Variants in MUC5B observed in about 807,000 individuals in gnomAD.
MUC5B encodes the protein mucin-5B.
A neutral mutation model predicts 376.9 loss-of-function variants in MUC5B; 116 were observed. The ratio of observed to expected loss-of-function variants is 0.31; its 90% CI spans 0.26 to 0.36. The LOEUF is 0.36. Among genes scored for constraint, MUC5B ranks in the 10% least tolerant of loss-of-function variants. MUC5B has a pLI of 1.00. For missense variants in MUC5B, 7,165 were observed against 7,769.9 expected, an observed-to-expected ratio of 0.92 and a Z score of 2.93; for synonymous variants, 3,517 against 3,390.9, an observed-to-expected ratio of 1.04 and a Z score of -1.29.
chr11:1,223,238 CG>C, intron 1 of MUC5B, 45 bp downstream of exon 1: 1 of 705,156 alleles, frequency 1.4e-6, no homozygotes. Context: ...GTCTTCACGG[CG>C]GGGGTCTCTG....
At position 1,233,795 on chromosome 11, in the gene MUC5B, C is replaced by T; in HGVS notation, c.2324C>T (p.Ser775Leu). 1 of 1,604,584 alleles carries T rather than the reference C, an allele frequency of 6.2e-7. No homozygotes were observed. ...EVVHDEGAVC[S>L]CTGGKLSCLG... is the part of the protein sequence containing the mutation. ...GCTGTGCCGTCTGTCTCTTGTAGTT[C>T]ATGTACGGGTGGGAAGCTAAGCTGC... The change falls in exon 19 of 49, where the codon TCA becomes TTA. Residue 775 changes from serine to leucine, a missense_variant and splice_region_variant. Coordinates refer to ENST00000529681, the MANE Select transcript of MUC5B (RefSeq NM_002458.3).
At chr11:1,259,635 G>A in intron 44 of MUC5B, 121 bp from the exon 45 acceptor site, 1 of 981,708 alleles carries the variant, frequency 1.0e-6, no homozygotes, top group Non-Finnish European at 1.6e-6. Context: ...TCGGGTATAG[G>A]CCCAGGCAGG....
At chr11:1,223,934 G>A (rs1264840416) in intron 1 of MUC5B, among the ~76,000 whole-genome samples, 1 of 152,198 alleles carries the variant, frequency 6.6e-6, no homozygotes, top group Non-Finnish European at 1.5e-5. Context: ...CCCCTCCCAA[G>A]CTTGGGGTCT....
rs927898416 is a variant in MUC5B, at chr11:1,236,418, T to C, written c.2913T>C (p.Phe971=). The C allele has an allele frequency of 1.1e-5, 17 of 1,612,330 alleles. No individual in the cohort carries two copies. Among genetic ancestry groups the C allele is most frequent in the Non-Finnish European group, 1.2e-5 (14 of 1,179,644 alleles). ...AGCTGATCCTCCAAGAGGGGACCTT[T>C]AAGGCGGTGGCGAGAGGGCCGGGTG... ...SYELILQEGT[F]KAVARGPGGD... is the part of the protein sequence containing the mutation. The change falls in exon 24 of 49, where the codon TTT becomes TTC. Residue 971 remains phenylalanine, a synonymous_variant. Coordinates refer to ENST00000529681, the MANE Select transcript of MUC5B (RefSeq NM_002458.3).
At chr11:1,226,297 C>G (rs1392827888) in intron 3 of MUC5B, 21 bp downstream of exon 3, 1 of 1,550,050 alleles carries the variant, frequency 6.5e-7, no homozygotes, top group Middle Eastern at 1.7e-4. Context: ...GCTGCCCCTG[C>G]CAGCCGGGAA....
At chr11:1,233,353 C>A (rs979483907) in intron 18 of MUC5B, 85 bp downstream of exon 18, 5 of 1,404,738 alleles carry the variant, frequency 3.6e-6, no homozygotes, top group East Asian at 2.5e-5. Flanking sequence ...TGCCTCCCCC[C>A]GAGGGTTCTG....
At position 1,260,717 on chromosome 11, in the gene MUC5B, C is replaced by A; in HGVS notation, c.17058C>A (p.Pro5686=). The A allele has an allele frequency of 6.2e-7, 1 of 1,610,010 alleles. No individual in the cohort carries two copies. Among genetic ancestry groups the A allele is most frequent in the Non-Finnish European group, 8.5e-7 (1 of 1,178,546 alleles). ...VNITFCEGSC[P]GASKYSAEAQ... is the part of the protein sequence containing the mutation. ...TCACCTTCTGCGAGGGCTCCTGCCC[C>A]GGAGCGTCCAAGTGAGTGGGCTCCT... Residue 5686 remains proline (P), a synonymous_variant, in exon 48 of 49, where the codon CCC becomes CCA. Coordinates refer to ENST00000529681, the MANE Select transcript of MUC5B (RefSeq NM_002458.3).
Position 1,240,327 on chromosome 11 carries a change from A to T in MUC5B, c.3922A>T (p.Thr1308Ser), listed in dbSNP as rs1451435709. 1 of 1,611,436 alleles carries T rather than the reference A, an allele frequency of 6.2e-7. No individual in the cohort carries two copies. The highest frequency in any genetic ancestry group is 1.1e-5 in the South Asian group (1 of 90,898). ...TGTGGCATGTCCTGGAACTCCAGCC[A>T]CAACGCCATTCACCTTCACCACCGC... Reference protein sequence around the residue: ...KAVACPGTPATTPFTFTTAWV... With the variant: ...KAVACPGTPASTPFTFTTAWV... Residue 1308 changes from threonine to serine, a missense_variant, in exon 30 of 49, where the codon ACA becomes TCA. Thr to Ser is a moderately conservative substitution (Grantham distance 58). Transcript: ENST00000529681.
In MUC5B at chr11:1,244,799, C is replaced by A. The variant is rs1283733776; in HGVS notation, c.7919C>A (p.Pro2640His). The A allele has an allele frequency of 6.2e-7, 1 of 1,613,536 alleles. No homozygotes were observed. The highest frequency in any genetic ancestry group is 1.1e-5 in the South Asian group (1 of 91,046). Residue 2640 changes from proline to histidine, a missense_variant, in exon 31 of 49, where the codon CCC (proline) becomes CAC (histidine). Transcript: ENST00000529681. ...GTGTGGATCAGCACAACCACCACAC[C>A]CACAACCAGAGGTTCCACGGTGACC... ...LPVWISTTTT[P>H]TTRGSTVTPS...
At chr11:1,237,241 G>C (rs1046493274) in intron 25 of MUC5B, 77 bp downstream of exon 25, 1 of 1,307,172 alleles carries the variant, frequency 7.7e-7, no homozygotes, top group African/African-American at 1.5e-5. Flanking sequence ...TGGGTCTTCT[G>C]GGCAGACAGC....
intron 11 of MUC5B, 82 bp from the exon 12 acceptor site, chr11:1,230,408 C>A (rs1434274873): frequency 7.5e-7 from 1 of 1,334,658 alleles, no homozygotes; most frequent in Non-Finnish European, 1.0e-6. Flanking sequence ...ACATCCCCCA[C>A]ATGGGCATCC....
In MUC5B at chr11:1,242,649, G is replaced by A. The variant is rs530408361; in HGVS notation, c.5769G>A (p.Thr1923=). 3.2e-5 allele frequency: 51 copies of A among 1,613,502 alleles called. No homozygotes were observed. The highest frequency in any genetic ancestry group is 4.0e-5 in the African/African-American group (3 of 74,870). Residue 1923 remains threonine, a synonymous_variant, in exon 31 of 49, where the codon ACG becomes ACA. Transcript: ENST00000529681. ...TATTTASTGS[T]ATPTSTLRTA... ...CTACGACTGCGTCCACTGGATCCAC[G>A]GCCACCCCGACCTCCACCCTGAGAA...
chr11:1,259,521 G>T, intron 44 of MUC5B: 1 of 588,898 alleles, frequency 1.7e-6, no homozygotes, highest in Non-Finnish European at 3.0e-6. Context: ...GGCTGCTGGG[G>T]ACAGGGGCTG....
chr11:1,260,123 T>C (rs1463864527), intron 46 of MUC5B, 38 bp downstream of exon 46: 2 of 1,605,952 alleles, frequency 1.2e-6, no homozygotes, highest in Admixed American at 1.7e-5. Context: ...TGGGAGTCCT[T>C]GTCCATCAGG....
chr11:1,223,429 C>A (rs1861803745), intron 1 of MUC5B: 3 of 653,208 alleles, frequency 4.6e-6, no homozygotes, highest in Admixed American at 2.2e-5. Flanking sequence ...AAGGTGGGCC[C>A]CTGACCGCAG....
At chr11:1,236,606 A>G in intron 24 of MUC5B, 44 bp downstream of exon 24, 3 of 1,570,408 alleles carry the variant, frequency 1.9e-6, no homozygotes, top group Non-Finnish European at 2.6e-6. Flanking sequence ...GGACCCTCTC[A>G]CAGTGACAGA....
At chr11:1,261,318 G>C in intron 48 of MUC5B, 71 bp from the exon 49 acceptor site, 2 of 1,382,464 alleles carry the variant, frequency 1.4e-6, no homozygotes, top group Non-Finnish European at 2.0e-6. Context: ...AGAGGCCCAT[G>C]TGTCACCATG....
At chr11:1,229,634 C>T in intron 9 of MUC5B, 56 bp from the exon 10 acceptor site, 1 of 1,445,690 alleles carries the variant, frequency 6.9e-7, no homozygotes, top group Non-Finnish European at 9.4e-7. Flanking sequence ...CCGGTGTCTT[C>T]TGACCTTGGT....
chr11:1,260,676 G>C lies in MUC5B; in HGVS notation c.17017G>C (p.Glu5673Gln). Residue 5673 changes from glutamate (E) to glutamine (Q), a missense_variant, in exon 48 of 49, where the codon GAG becomes CAG. By Grantham distance (29) the Glu-to-Gln change is conservative. Transcript: ENST00000529681. ...NTTILWHQGCETEVNITFCEG... is the reference protein window; with the variant it reads ...NTTILWHQGCQTEVNITFCEG... ...GACCATCCTGTGGCACCAGGGCTGC[G>C]AGACCGAGGTCAACATCACCTTCTG... The C allele has an allele frequency of 6.2e-7, 1 of 1,612,618 alleles. No homozygotes were observed. Among genetic ancestry groups the C allele is most frequent in the African/African-American group, 1.3e-5 (1 of 75,062 alleles).
Sources: allele counts gnomAD v4.1 joint callset (sites outside exome capture counted in the v4.1 genomes callset), GRCh38; gene constraint gnomAD v4.1.1; transcripts MANE v1.5; gene names NCBI Gene and HGNC (gene_info 2026-07-23, HGNC 2026-07-21).